The following PRKCA variants were observed in gnomAD, a reference collection of about 807,000 sequenced individuals.
PRKCA encodes protein kinase C alpha type.
Under a neutral mutation model 87.0 loss-of-function variants are expected in PRKCA, and 27 were observed. That is an observed-to-expected ratio of 0.31 (90% CI 0.23 to 0.43). The LOEUF (loss-of-function observed/expected upper bound fraction) is 0.43. Among genes scored for constraint, PRKCA ranks in the 20% least tolerant of loss-of-function variants. PRKCA has a pLI of 1.00. For synonymous variants in PRKCA, 329 were observed against 311.1 expected (o/e 1.06, Z -0.61); for missense variants, 518 against 852.3 (o/e 0.61, Z 4.88).
At chr17:66,629,470 T>C (rs1176122283) in intron 3 of PRKCA, among the ~76,000 whole-genome samples, 1 of 152,200 alleles carries the variant, frequency 6.6e-6, no homozygotes, top group Admixed American at 6.5e-5. Flanking sequence ...GATGGGATCT[T>C]GCAGACTCTG....
intron 3 of PRKCA, among the ~76,000 whole-genome samples, chr17:66,583,594 CAAA>C (rs58515241): frequency 7.5e-6 from 1 of 133,612 alleles, no homozygotes. Context: ...TTAAATGAAC[CAAA>C]AAAAAAAAAA....
Position 66,804,200 on chromosome 17 carries a change from G to T in PRKCA, c.*163G>T. 5 of 938,266 alleles carry T rather than the reference G, an allele frequency of 5.3e-6. No homozygotes were observed. Among genetic ancestry groups the T allele is most frequent in the Non-Finnish European group, 7.6e-6 (5 of 658,856 alleles). The allele number at this position is 938,266 out of a possible 1,614,324, so 58.1% of individuals were successfully genotyped here. A position where few individuals can be genotyped will look rare whatever the true frequency, so the allele number is the denominator to read the frequency against. On this transcript the variant is annotated 3_prime_UTR_variant, in exon 17 of 17. Transcript: ENST00000413366. ...GTCCAAATGTGATCAACTGTTCAGG[G>T]TCTCTCTCTTACAACCAAGAACATT... is the stretch of plus-strand genomic sequence containing the variant.
chr17:66,405,125 C>G (rs1202090851), intron 2 of PRKCA, among the ~76,000 whole-genome samples: 1 of 152,114 alleles, frequency 6.6e-6, no homozygotes, highest in Non-Finnish European at 1.5e-5. Context: ...TCTCTCCCAT[C>G]AGGAGAGAAG....
chr17:66,681,276 T>C (rs545024715), intron 5 of PRKCA, among the ~76,000 whole-genome samples: 1 of 152,292 alleles, frequency 6.6e-6, no homozygotes, highest in East Asian at 1.9e-4. Context: ...CGGATTGCAT[T>C]GATCTGTTGG....
At chr17:66,523,129 T>C in intron 3 of PRKCA, among the ~76,000 whole-genome samples, 1 of 152,122 alleles carries the variant, frequency 6.6e-6, no homozygotes, top group East Asian at 1.9e-4. Flanking sequence ...TGGGCTTGGG[T>C]CAGGTTCTGG....
chr17:66,646,830 CT>C (rs1245369225), intron 5 of PRKCA, among the ~76,000 whole-genome samples: 3 of 152,202 alleles, frequency 2.0e-5, no homozygotes, highest in African/African-American at 7.2e-5. Context: ...CAGTTTGCCT[CT>C]GGATAACCTT....
At chr17:66,650,289 G>A (rs966343680) in intron 5 of PRKCA, among the ~76,000 whole-genome samples, 1 of 152,142 alleles carries the variant, frequency 6.6e-6, no homozygotes, top group Non-Finnish European at 1.5e-5. Context: ...AAAGCCCCGA[G>A]CTTTGGTGGT....
intron 2 of PRKCA, among the ~76,000 whole-genome samples, chr17:66,472,336 G>C (rs2015029224): frequency 6.6e-6 from 1 of 152,134 alleles, no homozygotes; most frequent in Admixed American, 6.5e-5. Flanking sequence ...CTGGTTCCAG[G>C]AGCTGCTATC....
At chr17:66,656,320 C>T (rs1465539723) in intron 5 of PRKCA, among the ~76,000 whole-genome samples, 3 of 152,202 alleles carry the variant, frequency 2.0e-5, no homozygotes, top group Non-Finnish European at 4.4e-5. Flanking sequence ...CAGGAGGAAG[C>T]ACTCTTAAAG....
chr17:66,408,936 C>G (rs939649268), intron 2 of PRKCA, among the ~76,000 whole-genome samples: 4 of 148,692 alleles, frequency 2.7e-5, no homozygotes, highest in African/African-American at 1.0e-4. Context: ...CCTGTAATCC[C>G]AGCTACTTAG....
Position 66,478,019 on chromosome 17 carries a change from C to T in PRKCA, c.206-18182C>T, listed in dbSNP as rs145814722. Among the ~76,000 whole-genome samples, 13 of 152,264 alleles carry T rather than the reference C, an allele frequency of 8.5e-5. No homozygotes were observed. The East Asian group carries it at 2.3e-3, about 27-fold the overall frequency. On this transcript the variant is annotated intron_variant, in intron 2 of 16. Transcript: ENST00000413366. The stretch of plus-strand genomic sequence containing the variant: ...CAATCAATTTAGAAGTTTATTTTGC[C>T]AAGGTTAAGGACGTGCGCCCAGGAG...
At chr17:66,375,677 T>G (rs538425224) in intron 2 of PRKCA, among the ~76,000 whole-genome samples, 1 of 152,262 alleles carries the variant, frequency 6.6e-6, no homozygotes, top group East Asian at 1.9e-4. Flanking sequence ...TTTAAAATAG[T>G]TGTTGGCTTT....
At chr17:66,476,046 T>C (rs930434086) in intron 2 of PRKCA, among the ~76,000 whole-genome samples, 5 of 152,114 alleles carry the variant, frequency 3.3e-5, no homozygotes, top group African/African-American at 1.2e-4. Flanking sequence ...TACACGTGCC[T>C]GCCACCAGGC....
At chr17:66,323,960 A>G (rs1249218851) in intron 2 of PRKCA, among the ~76,000 whole-genome samples, 1 of 152,070 alleles carries the variant, frequency 6.6e-6, no homozygotes, top group Non-Finnish European at 1.5e-5. Flanking sequence ...TTGCTAATCA[A>G]ATCGTTATAG....
intron 2 of PRKCA, among the ~76,000 whole-genome samples, chr17:66,440,833 C>T (rs1054093016): frequency 1.3e-5 from 2 of 151,866 alleles, no homozygotes; most frequent in African/African-American, 4.8e-5. Flanking sequence ...TGAGACCAGC[C>T]CTGGCAACAC....
chr17:66,537,859 G>T (rs1233826785), intron 3 of PRKCA, among the ~76,000 whole-genome samples: 4 of 152,156 alleles, frequency 2.6e-5, no homozygotes, highest in African/African-American at 7.2e-5. Flanking sequence ...AGGCTGGAGT[G>T]CATTGGCATG....
intron 11 of PRKCA, among the ~76,000 whole-genome samples, chr17:66,741,276 C>T (rs1416037557): frequency 6.6e-6 from 1 of 152,204 alleles, no homozygotes; most frequent in Non-Finnish European, 1.5e-5. Flanking sequence ...ATTGTATTTT[C>T]AAACACCAGT....
chr17:66,745,338 T>C (rs1245607892), intron 13 of PRKCA, among the ~76,000 whole-genome samples: 1 of 152,186 alleles, frequency 6.6e-6, no homozygotes, highest in Admixed American at 6.5e-5. Context: ...CAAGCAATAA[T>C]AGAGGAAGTG....
chr17:66,445,934 CT>C (rs1173158815), intron 2 of PRKCA, among the ~76,000 whole-genome samples: 1 of 152,126 alleles, frequency 6.6e-6, no homozygotes, highest in African/African-American at 2.4e-5. Flanking sequence ...CCACCTCAGC[CT>C]TCCAGGTAGC....
Sources: gnomAD v4.1 joint callset for allele counts (sites outside exome capture counted in the v4.1 genomes callset) on GRCh38, gnomAD v4.1.1 for gene constraint, MANE v1.5 for transcripts, NCBI Gene and HGNC (gene_info 2026-07-23, HGNC 2026-07-21) for gene names.